SLC16A7: variants seen among roughly 807,000 people sequenced by gnomAD.
SLC16A7 encodes monocarboxylate transporter 2.
SLC16A7 carries 33 observed loss-of-function variants against 34.9 expected under a neutral mutation model. That is an observed-to-expected ratio of 0.94 (90% CI 0.72 to 1.26). The LOEUF (loss-of-function observed/expected upper bound fraction) is 1.26, where lower values mean the gene tolerates loss of function less well. Ranked by LOEUF, SLC16A7 falls within the 50% of genes most tolerant of loss-of-function variation. The probability of loss-of-function intolerance (pLI) is 0.00; values close to 1 mark genes in which losing one functional copy is unlikely to be tolerated. For synonymous variants in SLC16A7, 201 were observed against 206.6 expected, an observed-to-expected ratio of 0.97 and a Z score of 0.23; for missense variants, 573 against 578.1, an observed-to-expected ratio of 0.99 and a Z score of 0.09.
intron 1 of SLC16A7, among the ~76,000 whole-genome samples, chr12:59,606,860 A>G (rs75835369): frequency 7.3e-5 from 11 of 151,278 alleles, no homozygotes; most frequent in South Asian, 4.2e-4. Context: ...ATATATATAT[A>G]TGTGTGTGTG....
intron 2 of SLC16A7, among the ~76,000 whole-genome samples, chr12:59,667,011 T>G (rs1225229013): frequency 6.6e-6 from 1 of 152,092 alleles, no homozygotes; most frequent in African/African-American, 2.4e-5. Flanking sequence ...GGGGAGGCCT[T>G]AGAATCATGG....
chr12:59,642,317 A>T (rs2137007521), intron 1 of SLC16A7, among the ~76,000 whole-genome samples: 1 of 151,942 alleles, frequency 6.6e-6, no homozygotes, highest in South Asian at 2.1e-4. Context: ...TTTTTCTGGA[A>T]CCTATTTCTG....
chr12:59,754,717 A>T (rs933621056), intron 3 of SLC16A7, among the ~76,000 whole-genome samples: 1 of 152,226 alleles, frequency 6.6e-6, no homozygotes, highest in Non-Finnish European at 1.5e-5. Context: ...AAAGTATTCC[A>T]ATCAATACAA....
intron 1 of SLC16A7, among the ~76,000 whole-genome samples, chr12:59,608,273 A>C (rs1879036032): frequency 6.6e-6 from 1 of 152,168 alleles, no homozygotes; most frequent in African/African-American, 2.4e-5. Context: ...CTCATTACCC[A>C]TTACTTGTTG....
At chr12:59,757,211 C>A (rs1288321355) in intron 3 of SLC16A7, among the ~76,000 whole-genome samples, 1 of 151,326 alleles carries the variant, frequency 6.6e-6, no homozygotes, top group Non-Finnish European at 1.5e-5. Flanking sequence ...ACATATGTAA[C>A]TAACCTGCAC....
intron 3 of SLC16A7, among the ~76,000 whole-genome samples, chr12:59,738,637 G>T (rs577493107): frequency 7.9e-5 from 12 of 152,192 alleles, no homozygotes; most frequent in African/African-American, 2.9e-4. Context: ...CTTAACAAGG[G>T]TTTATGGCAG....
At position 59,667,941 on chromosome 12, in the gene SLC16A7, T is replaced by A. The variant is rs771788504; in HGVS notation, c.-31+12691T>A. On this transcript the variant is annotated intron_variant, in intron 2 of 5. Transcript: ENST00000547379. ...CCAAGGTATAGCTATATAGCTAGGGTCATGGCTTCAGAGAGGACAAGCCCC... is the reference window on the plus strand; with the variant it reads ...CCAAGGTATAGCTATATAGCTAGGGACATGGCTTCAGAGAGGACAAGCCCC... 9.6e-4 allele frequency among the ~76,000 whole-genome samples: 146 copies of A among 152,262 alleles called. 1 individual carries two copies. The highest frequency in any genetic ancestry group is 1.5e-3 in the South Asian group (7 of 4,824).
intron 3 of SLC16A7, among the ~76,000 whole-genome samples, chr12:59,739,171 C>A (rs1877983848): frequency 6.7e-6 from 1 of 148,652 alleles, no homozygotes; most frequent in Admixed American, 6.7e-5. Context: ...TTAGGTATAT[C>A]TCCTAAAGCT....
At chr12:59,698,970 T>C (rs952947211) in intron 2 of SLC16A7, among the ~76,000 whole-genome samples, 1 of 151,762 alleles carries the variant, frequency 6.6e-6, no homozygotes, top group African/African-American at 2.4e-5. Flanking sequence ...TGTTGTCATT[T>C]TCAATTGGAT....
chr12:59,762,313 T>C (rs1206030127), intron 3 of SLC16A7, among the ~76,000 whole-genome samples: 3 of 152,136 alleles, frequency 2.0e-5, no homozygotes, highest in Non-Finnish European at 4.4e-5. Context: ...TATTGAATTG[T>C]TTCATTCTAG....
At chr12:59,694,441 A>T (rs889288617) in intron 2 of SLC16A7, among the ~76,000 whole-genome samples, 2 of 152,000 alleles carry the variant, frequency 1.3e-5, no homozygotes, top group Non-Finnish European at 2.9e-5. Context: ...GTGTACACCC[A>T]TGAAACCGTC....
intron 1 of SLC16A7, among the ~76,000 whole-genome samples, chr12:59,617,440 A>G (rs1260342161): frequency 1.3e-5 from 2 of 152,016 alleles, no homozygotes; most frequent in Non-Finnish European, 2.9e-5. Context: ...AAGACTATTT[A>G]GGAAACATTG....
intron 1 of SLC16A7, among the ~76,000 whole-genome samples, chr12:59,603,834 A>G (rs537746812): frequency 7.2e-5 from 11 of 152,330 alleles, no homozygotes; most frequent in African/African-American, 2.6e-4. Context: ...ATTATGTTCA[A>G]TAAACCACCA....
chr12:59,613,851 T>C (rs1879315122), intron 1 of SLC16A7, among the ~76,000 whole-genome samples: 1 of 152,198 alleles, frequency 6.6e-6, no homozygotes, highest in South Asian at 2.1e-4. Flanking sequence ...CAAAAAGTTA[T>C]GTAAATGAGG....
intron 3 of SLC16A7, among the ~76,000 whole-genome samples, chr12:59,728,972 T>C (rs1454248989): frequency 5.9e-5 from 9 of 152,226 alleles, no homozygotes; most frequent in Non-Finnish European, 1.3e-4. Flanking sequence ...GAGATGATTT[T>C]TCCAATTTGT....
intron 1 of SLC16A7, among the ~76,000 whole-genome samples, chr12:59,609,281 G>A (rs999551283): frequency 2.0e-5 from 3 of 152,318 alleles, no homozygotes; most frequent in Admixed American, 6.5e-5. Context: ...GACAAAGTCC[G>A]TTTGTACCAA....
At chr12:59,629,862 C>G (rs1379970697) in intron 1 of SLC16A7, among the ~76,000 whole-genome samples, 1 of 151,842 alleles carries the variant, frequency 6.6e-6, no homozygotes, top group Non-Finnish European at 1.5e-5. Context: ...TCTGTTTTCT[C>G]TTTTGAATTT....
intron 1 of SLC16A7, among the ~76,000 whole-genome samples, chr12:59,637,658 A>G (rs1880492905): frequency 6.6e-6 from 1 of 152,096 alleles, no homozygotes. Flanking sequence ...TGAAGACCAA[A>G]GACCCAGGGA....
intron 3 of SLC16A7, among the ~76,000 whole-genome samples, chr12:59,705,372 A>G (rs1299267693): frequency 6.6e-6 from 1 of 152,200 alleles, no homozygotes; most frequent in Non-Finnish European, 1.5e-5. Flanking sequence ...CTCTGGTAGA[A>G]ATGCTTTCTT....
Sources: gnomAD v4.1 joint callset for allele counts (sites outside exome capture counted in the v4.1 genomes callset) on GRCh38, gnomAD v4.1.1 for gene constraint, MANE v1.5 for transcripts, NCBI Gene and HGNC (gene_info 2026-07-23, HGNC 2026-07-21) for gene names.